Variants in STAG2 observed in about 807,000 individuals in gnomAD.
The protein encoded by STAG2 is STAG2 cohesin complex component, also known as cohesin subunit SA-2.
In STAG2, 14 loss-of-function variants were observed where a neutral mutation model predicts 108.1. The ratio of observed to expected loss-of-function variants is 0.13; its 90% CI spans 0.09 to 0.20. The LOEUF (loss-of-function observed/expected upper bound fraction) is 0.20, where lower values mean the gene tolerates loss of function less well. Ranked by LOEUF, STAG2 falls within the 10% of genes least tolerant of loss-of-function variation. The pLI, the probability that STAG2 is intolerant of heterozygous loss-of-function variation, is 1.00. For missense variants in STAG2, 440 were observed against 940.9 expected, an observed-to-expected ratio of 0.47 and a Z score of 6.96; for synonymous variants, 307 against 302.7, an observed-to-expected ratio of 1.01 and a Z score of -0.15.
intron 1 of STAG2, among the ~76,000 whole-genome samples, chrX:123,962,526 TTAG>T (rs773143601): frequency 9.0e-6 from 1 of 111,437 alleles, no homozygotes; most frequent in South Asian, 3.7e-4. Context: ...TAATATTGTA[TTAG>T]TAGTTTCATC....
chrX:124,029,603 G>A lies in STAG2; in HGVS notation c.124-1358G>A, dbSNP rs1331958602. Among the ~76,000 whole-genome samples the A allele has an allele frequency of 8.0e-5, 9 of 112,535 alleles. No homozygotes were observed. The East Asian group carries it at 1.1e-3, about 14-fold the overall frequency. On this transcript the variant is annotated intron_variant, in intron 4 of 34. Coordinates refer to ENST00000371145, the MANE Select transcript of STAG2 (RefSeq NM_001042750.2). Reference sequence around the variant, plus strand: ...TAGGATTACAGGCGTGAGCCACCACGCTGGGCTGTTTTTATAATTTTAAAT... The same window carrying A: ...TAGGATTACAGGCGTGAGCCACCACACTGGGCTGTTTTTATAATTTTAAAT...
At chrX:124,033,761 T>A (rs937737645) in intron 5 of STAG2, among the ~76,000 whole-genome samples, 6 of 111,289 alleles carry the variant, frequency 5.4e-5, no homozygotes, top group Non-Finnish European at 1.1e-4. Flanking sequence ...AAACCCTGTC[T>A]AAAAAAACAA....
intron 30 of STAG2, among the ~76,000 whole-genome samples, chrX:124,089,389 G>A (rs1487994312): frequency 1.8e-5 from 2 of 111,997 alleles, no homozygotes; most frequent in African/African-American, 6.5e-5. Context: ...AGTAGCTTTT[G>A]CAGGTGTGAA....
Position 124,000,187 on chromosome X carries a change from C to T in STAG2, c.-162-21180C>T, listed in dbSNP as rs1005301986. ...TTCCTTTCACCTAGTCATGTCGTAGCCTTTATAACGTCTTAGTGCAGTGCA... is the reference window on the plus strand; with the variant it reads ...TTCCTTTCACCTAGTCATGTCGTAGTCTTTATAACGTCTTAGTGCAGTGCA... On this transcript the variant is annotated intron_variant, in intron 1 of 34. Coordinates refer to ENST00000371145, the MANE Select transcript of STAG2 (RefSeq NM_001042750.2). 3.6e-5 allele frequency among the ~76,000 whole-genome samples: 4 copies of T among 111,042 alleles called. No individual in the cohort carries two copies. The East Asian group carries it at 1.1e-3, about 31-fold the overall frequency.
At chrX:124,054,494 T>A (rs1203014442) in intron 13 of STAG2, among the ~76,000 whole-genome samples, 1 of 111,934 alleles carries the variant, frequency 8.9e-6, no homozygotes, top group Admixed American at 9.5e-5. Context: ...TATACACACA[T>A]GTTGTATATA....
chrX:123,969,717 C>CT (rs1464073251), intron 1 of STAG2, among the ~76,000 whole-genome samples: 2 of 109,552 alleles, frequency 1.8e-5, no homozygotes, highest in African/African-American at 6.6e-5. Flanking sequence ...GCATGATTGG[C>CT]TCACTGCAAC....
upstream of STAG2, chrX:123,960,682 A>G (rs1476775245): frequency 9.8e-6 from 1 of 102,119 alleles, no homozygotes; most frequent in Non-Finnish European, 2.0e-5. Flanking sequence ...CACTTTCAAA[A>G]CCCCCCACCG....
intron 1 of STAG2, among the ~76,000 whole-genome samples, chrX:124,013,083 T>C (rs187478454): frequency 9.0e-6 from 1 of 111,526 alleles, no homozygotes; most frequent in East Asian, 2.8e-4. Flanking sequence ...GGCAATAATA[T>C]ATTGTGCTTA....
chrX:123,968,913 C>T (rs2054225815), intron 1 of STAG2, among the ~76,000 whole-genome samples: 1 of 111,753 alleles, frequency 8.9e-6, no homozygotes, highest in South Asian at 3.7e-4. Flanking sequence ...AATGCCTTGT[C>T]TCAAGTCACA....
Position 124,011,963 on chromosome X carries a change from A to AT in STAG2, c.-162-9397dup, listed in dbSNP as rs1453465476. ...ACAAATATTCAAACCATAGCAGGTG[A>AT]TTTTTTTCTAGTTTTAACTTGAGTG... On this transcript the variant is annotated intron_variant, in intron 1 of 34. Transcript: ENST00000371145. Among the ~76,000 whole-genome samples the AT allele has an allele frequency of 3.6e-5, 4 of 111,498 alleles. No homozygotes were observed. In the East Asian group the frequency reaches 8.4e-4, roughly 23 times the overall value.
intron 27 of STAG2, among the ~76,000 whole-genome samples, chrX:124,079,374 C>CAA (rs2058891170): frequency 9.0e-6 from 1 of 111,592 alleles, no homozygotes; most frequent in Non-Finnish European, 1.9e-5. Context: ...CTCCTGACCT[C>CAA]GTGATCCACC....
chrX:123,994,440 C>T (rs923146178), intron 1 of STAG2, among the ~76,000 whole-genome samples: 1 of 111,675 alleles, frequency 9.0e-6, no homozygotes, highest in African/African-American at 3.3e-5. Flanking sequence ...CCATATCTAA[C>T]CCAAAGCAAA....
rs2147425370 is a variant in STAG2 at position 123,961,832 on chromosome X, C to T, written c.-187C>T. 9.0e-6 allele frequency: 1 copy of T among 110,843 alleles called. No homozygotes were observed. Among genetic ancestry groups the T allele is most frequent in the East Asian group, 2.9e-4 (1 of 3,465 alleles). The allele number at this position is 110,843 out of a possible 1,213,427, so 9.1% of individuals were successfully genotyped here. ...GGGAAGGCGATTGGCATCGATCTCTCCATCCCTTCCGAGGCCCGACTTCGG... is the reference window on the plus strand; with the variant it reads ...GGGAAGGCGATTGGCATCGATCTCTTCATCCCTTCCGAGGCCCGACTTCGG... On this transcript the variant is annotated 5_prime_UTR_variant, in exon 1 of 35. Coordinates refer to ENST00000371145, the MANE Select transcript of STAG2 (RefSeq NM_001042750.2).
rs188311103 is a variant in STAG2, at chrX:124,024,641, C to T, written c.45-1199C>T. On this transcript the variant is annotated intron_variant, in intron 3 of 34. Transcript: ENST00000371145. Reference sequence around the variant, plus strand: ...ATAGTATTTTTTTTCCTGCTAGCATCTTAATCATTATTTTAGATTTATGAA... The same window carrying T: ...ATAGTATTTTTTTTCCTGCTAGCATTTTAATCATTATTTTAGATTTATGAA... 6.0e-3 allele frequency among the ~76,000 whole-genome samples: 673 copies of T among 111,378 alleles called. 5 individuals carry two copies. The highest frequency in any genetic ancestry group is 9.2e-3 in the Middle Eastern group (2 of 217).
intron 1 of STAG2, among the ~76,000 whole-genome samples, chrX:124,002,106 G>A (rs1022348568): frequency 9.0e-6 from 1 of 111,278 alleles, no homozygotes; most frequent in Non-Finnish European, 1.9e-5. Flanking sequence ...AGCATGGTGG[G>A]ATGCAGTTAC....
intron 32 of STAG2, among the ~76,000 whole-genome samples, chrX:124,093,001 A>G (rs1346827701): frequency 9.0e-6 from 1 of 111,544 alleles, no homozygotes; most frequent in East Asian, 2.8e-4. Flanking sequence ...GTAAATTGTA[A>G]GCATTCGGTA....
chrX:124,066,896 T>C (rs1483156035), intron 23 of STAG2, among the ~76,000 whole-genome samples: 1 of 112,130 alleles, frequency 8.9e-6, no homozygotes, highest in Non-Finnish European at 1.9e-5. Context: ...TTAGTACATA[T>C]AGAGCTTTTA....
intron 24 of STAG2, among the ~76,000 whole-genome samples, chrX:124,069,835 G>A (rs1433977160): frequency 4.5e-5 from 5 of 111,680 alleles, no homozygotes; most frequent in Non-Finnish European, 9.4e-5. Context: ...CTATAATTCA[G>A]ATGAAAGGAA....
Position 124,061,893 on chromosome X carries a change from T to G in STAG2, c.1638+19T>G, listed in dbSNP as rs760125015. ...AAAAAGGGTATGCCAATCAATGTCT[T>G]TTCAATATTCTAAACTCCATTTCTC... On this transcript the variant is annotated intron_variant, in intron 17 of 34. Transcript: ENST00000371145. The G allele has an allele frequency of 1.9e-6, 2 of 1,073,881 alleles. No individual in the cohort carries two copies. Among genetic ancestry groups the G allele is most frequent in the Non-Finnish European group, 2.5e-6 (2 of 789,255 alleles). 88.5% of individuals were successfully genotyped at this position (1,073,881 alleles called of 1,213,427 possible).
Sources: allele counts gnomAD v4.1 joint callset (sites outside exome capture counted in the v4.1 genomes callset), GRCh38; gene constraint gnomAD v4.1.1; transcripts MANE v1.5; gene names NCBI Gene and HGNC (gene_info 2026-07-23, HGNC 2026-07-21).